Variants in SLC10A7 observed in about 807,000 individuals in gnomAD.
SLC10A7 encodes sodium/bile acid cotransporter 7.
In SLC10A7, 29 loss-of-function variants were observed where a neutral mutation model predicts 43.2. The observed-to-expected ratio is 0.67, with a 90% confidence interval of 0.50 to 0.92. The LOEUF (loss-of-function observed/expected upper bound fraction) is 0.92, where lower values mean the gene tolerates loss of function less well. SLC10A7 is among the 40% of genes least tolerant of loss of function. SLC10A7 has a pLI of 0.00. For missense variants in SLC10A7, 295 were observed against 403.2 expected (o/e 0.73, Z 2.30); for synonymous variants, 152 against 144.8 (o/e 1.05, Z -0.35).
rs1435551354 is a variant in SLC10A7, at chr4:146,255,079, T to G, written c.*1412A>C. 1 of 152,242 alleles carries G rather than the reference T, an allele frequency of 6.6e-6. No individual in the cohort carries two copies. Among genetic ancestry groups the G allele is most frequent in the Non-Finnish European group, 1.5e-5 (1 of 68,040 alleles). 9.4% of individuals were successfully genotyped at this position (152,242 alleles called of 1,614,324 possible). A position where few individuals can be genotyped will look rare whatever the true frequency, so the allele number is the denominator to read the frequency against. On this transcript the variant is annotated 3_prime_UTR_variant, in exon 12 of 12. Coordinates refer to ENST00000335472, the MANE Select transcript of SLC10A7 (RefSeq NM_001029998.6). ...ATAATAACGAAACAACAAAAACAGC[T>G]GCTGAGGACATAGCACGGCCTCAGT...
chr4:146,260,138 T>C lies in SLC10A7; in HGVS notation c.848-1301A>G, dbSNP rs558774920. On this transcript the variant is annotated intron_variant, in intron 10 of 11. Coordinates refer to ENST00000335472, the MANE Select transcript of SLC10A7 (RefSeq NM_001029998.6). ...ACATAGTCTCTGAGAGCTTCTAAAG[T>C]ACATGCTTAGATTTTTTGCAGTTTC... Among the ~76,000 whole-genome samples, 44 of 152,314 alleles carry C rather than the reference T, an allele frequency of 2.9e-4. No individual in the cohort carries two copies. The South Asian group carries it at 8.9e-3, about 31-fold the overall frequency.
At chr4:146,403,367 T>C (rs183973449) in intron 5 of SLC10A7, among the ~76,000 whole-genome samples, 2 of 152,182 alleles carry the variant, frequency 1.3e-5, no homozygotes, top group African/African-American at 2.4e-5. Flanking sequence ...AGCACAGTCA[T>C]GGAGTTTCCA....
chr4:146,326,517 G>A (rs1210539364), intron 5 of SLC10A7, among the ~76,000 whole-genome samples: 2 of 152,200 alleles, frequency 1.3e-5, no homozygotes, highest in East Asian at 3.9e-4. Flanking sequence ...TAGACTTCAT[G>A]TCTCCATGGT....
chr4:146,387,488 C>A (rs749509069), intron 5 of SLC10A7, among the ~76,000 whole-genome samples: 15 of 152,132 alleles, frequency 9.9e-5, no homozygotes, highest in Non-Finnish European at 1.8e-4. Context: ...TCATATGCAT[C>A]AGGGAAAAGT....
intron 6 of SLC10A7, among the ~76,000 whole-genome samples, chr4:146,318,303 G>A (rs953028607): frequency 2.0e-5 from 3 of 152,034 alleles, no homozygotes; most frequent in Non-Finnish European, 4.4e-5. Flanking sequence ...AAACTTTGAT[G>A]AAATAGCTCT....
intron 5 of SLC10A7, among the ~76,000 whole-genome samples, chr4:146,415,727 G>T (rs1180331164): frequency 1.3e-5 from 2 of 152,184 alleles, no homozygotes; most frequent in Non-Finnish European, 2.9e-5. Flanking sequence ...TTCAAGATTA[G>T]CAGAGTTCAT....
intron 1 of SLC10A7, among the ~76,000 whole-genome samples, chr4:146,518,353 A>C (rs1441497196): frequency 1.3e-5 from 2 of 152,206 alleles, no homozygotes; most frequent in Non-Finnish European, 2.9e-5. Flanking sequence ...TGTGCTACTA[A>C]CATCTAGTGG....
intron 5 of SLC10A7, among the ~76,000 whole-genome samples, chr4:146,417,272 G>C (rs1279705445): frequency 3.3e-5 from 5 of 152,184 alleles, no homozygotes; most frequent in Admixed American, 3.3e-4. Flanking sequence ...AGCTTGAGAG[G>C]GAGGCAAGAA....
chr4:146,442,718 A>T (rs1188004997), intron 5 of SLC10A7, 65 bp downstream of exon 5: 2 of 1,576,730 alleles, frequency 1.3e-6, no homozygotes, highest in Admixed American at 4.0e-5. Context: ...GCTTTCACTA[A>T]ATCTTTCATA....
Position 146,256,076 on chromosome 4 carries a change from A to C in SLC10A7, c.*415T>G, listed in dbSNP as rs1727870230. ...CGTAGAAAAAAAGAATCACACAGTA[A>C]ATCAAAGTATGCATGAATAAGACTT... On this transcript the variant is annotated 3_prime_UTR_variant, in exon 12 of 12. Coordinates refer to ENST00000335472, the MANE Select transcript of SLC10A7 (RefSeq NM_001029998.6). 5.9e-6 allele frequency: 1 copy of C among 170,878 alleles called. No individual in the cohort carries two copies. The highest frequency in any genetic ancestry group is 2.4e-5 in the African/African-American group (1 of 41,792). The allele number at this position is 170,878 out of a possible 1,614,324, so 10.6% of individuals were successfully genotyped here.
intron 7 of SLC10A7, among the ~76,000 whole-genome samples, chr4:146,302,584 G>T (rs113698744): frequency 2.0e-5 from 3 of 152,296 alleles, no homozygotes; most frequent in African/African-American, 4.8e-5. Context: ...TTCAAAGAAG[G>T]CTTCATTAAA....
intron 5 of SLC10A7, among the ~76,000 whole-genome samples, chr4:146,421,220 G>A (rs1451165785): frequency 6.6e-6 from 1 of 152,134 alleles, no homozygotes; most frequent in African/African-American, 2.4e-5. Context: ...ACTTGGTAGA[G>A]ACTCCTCCTC....
At chr4:146,277,291 T>A (rs1398023662) in intron 10 of SLC10A7, among the ~76,000 whole-genome samples, 1 of 152,210 alleles carries the variant, frequency 6.6e-6, no homozygotes, top group East Asian at 1.9e-4. Flanking sequence ...TTTAATTTCA[T>A]ACCTGCTGTC....
chr4:146,384,439 G>T (rs934392479), intron 5 of SLC10A7, among the ~76,000 whole-genome samples: 1 of 152,012 alleles, frequency 6.6e-6, no homozygotes, highest in Non-Finnish European at 1.5e-5. Flanking sequence ...AATGTAAAAA[G>T]ACTAATGGGA....
chr4:146,433,381 A>G (rs888461477), intron 5 of SLC10A7, among the ~76,000 whole-genome samples: 5 of 151,972 alleles, frequency 3.3e-5, no homozygotes, highest in Admixed American at 1.3e-4. Flanking sequence ...AAACATAAGC[A>G]AAAGATATGA....
At chr4:146,501,347 T>C (rs913561586) in intron 4 of SLC10A7, among the ~76,000 whole-genome samples, 1 of 152,186 alleles carries the variant, frequency 6.6e-6, no homozygotes, top group Non-Finnish European at 1.5e-5. Context: ...TCTTTACCTA[T>C]GTGGCTGACA....
intron 9 of SLC10A7, among the ~76,000 whole-genome samples, chr4:146,287,274 A>C (rs901035210): frequency 2.6e-5 from 4 of 152,198 alleles, no homozygotes; most frequent in African/African-American, 9.7e-5. Context: ...CAAAGGGAAG[A>C]AAAAGGTCAC....
At chr4:146,476,821 C>G (rs1734065032) in intron 4 of SLC10A7, among the ~76,000 whole-genome samples, 2 of 152,050 alleles carry the variant, frequency 1.3e-5, no homozygotes, top group Admixed American at 1.3e-4. Context: ...AGACAGTTAA[C>G]TAGACTGGTT....
intron 9 of SLC10A7, among the ~76,000 whole-genome samples, chr4:146,291,372 A>C (rs1232283906): frequency 6.6e-6 from 1 of 152,248 alleles, no homozygotes; most frequent in Non-Finnish European, 1.5e-5. Context: ...GCTTCAAATT[A>C]CATCAATCAA....
Sources: allele counts gnomAD v4.1 joint callset (sites outside exome capture counted in the v4.1 genomes callset), GRCh38; gene constraint gnomAD v4.1.1; transcripts MANE v1.5; gene names NCBI Gene and HGNC (gene_info 2026-07-23, HGNC 2026-07-21).